KATNIP: variants seen among roughly 807,000 people sequenced by gnomAD.
The protein encoded by KATNIP is katanin-interacting protein.
In KATNIP, 126 loss-of-function variants were observed where a neutral mutation model predicts 174.0. The ratio of observed to expected loss-of-function variants is 0.72; its 90% CI spans 0.63 to 0.84. KATNIP has a LOEUF of 0.84. Ranked by LOEUF, KATNIP falls within the 40% of genes least tolerant of loss-of-function variation. The pLI is 0.00. For synonymous variants in KATNIP, 810 were observed against 835.7 expected, an observed-to-expected ratio of 0.97 and a Z score of 0.53; for missense variants, 1,958 against 2,109.7, an observed-to-expected ratio of 0.93 and a Z score of 1.41.
At chr16:27,603,678 C>CAAGTGATCTTCCCACCTTG (rs1380903167) in intron 2 of KATNIP, among the ~76,000 whole-genome samples, 1 of 151,390 alleles carries the variant, frequency 6.6e-6, no homozygotes, top group Non-Finnish European at 1.5e-5. Context: ...CTTTTGGGCT[C>CAAGTGATCTTCCCACCTTG]AAGTGATCTT....
intron 2 of KATNIP, among the ~76,000 whole-genome samples, chr16:27,586,291 ATAAAT>A (rs975624453): frequency 8.5e-5 from 13 of 152,094 alleles, no homozygotes; most frequent in African/African-American, 2.9e-4. Context: ...AAAAATAAAA[ATAAAT>A]TAAGAATTTC....
intron 18 of KATNIP, 111 bp from the exon 19 acceptor site, chr16:27,761,302 G>A (rs1280353414): frequency 1.7e-6 from 2 of 1,175,026 alleles, no homozygotes; most frequent in Non-Finnish European, 2.3e-6. Context: ...TTGGGTCTGG[G>A]TTGAAGTTGC....
At chr16:27,691,142 G>A (rs902516990) in intron 8 of KATNIP, among the ~76,000 whole-genome samples, 2 of 152,180 alleles carry the variant, frequency 1.3e-5, no homozygotes, top group African/African-American at 4.8e-5. Context: ...GTAGAAAGGG[G>A]TAATTTTGCT....
chr16:27,669,360 C>T (rs897661176), intron 6 of KATNIP: 14 of 957,634 alleles, frequency 1.5e-5, no homozygotes, highest in East Asian at 1.2e-4. Flanking sequence ...CCCTGTCATC[C>T]GATCTCCACC....
intron 14 of KATNIP, among the ~76,000 whole-genome samples, chr16:27,724,164 C>T (rs1212535670): frequency 1.3e-5 from 2 of 152,244 alleles, no homozygotes; most frequent in East Asian, 1.9e-4. Context: ...CAGAGGCTGA[C>T]CCTCAGACCC....
chr16:27,602,660 T>C (rs1012504772), intron 2 of KATNIP, among the ~76,000 whole-genome samples: 14 of 152,158 alleles, frequency 9.2e-5, no homozygotes, highest in Non-Finnish European at 1.5e-5. Context: ...AAATCAGCCT[T>C]CCTAAAAAGC....
chr16:27,651,593 C>T (rs565557251), intron 6 of KATNIP, among the ~76,000 whole-genome samples: 6 of 152,340 alleles, frequency 3.9e-5, no homozygotes, highest in African/African-American at 1.4e-4. Context: ...TCACATCTTC[C>T]GTGAAGTTCA....
intron 8 of KATNIP, among the ~76,000 whole-genome samples, chr16:27,686,750 T>A (rs185193652): frequency 2.6e-5 from 4 of 152,300 alleles, no homozygotes; most frequent in East Asian, 3.9e-4. Context: ...ACATTCTTTT[T>A]TTATTATTAT....
At chr16:27,623,301 A>C (rs1312410858) in intron 3 of KATNIP, among the ~76,000 whole-genome samples, 1 of 152,216 alleles carries the variant, frequency 6.6e-6, no homozygotes, top group Non-Finnish European at 1.5e-5. Context: ...GCCTTGGGCA[A>C]GTTCATTTCT....
chr16:27,636,377 A>G (rs1478561538), intron 5 of KATNIP, among the ~76,000 whole-genome samples: 3 of 152,120 alleles, frequency 2.0e-5, no homozygotes, highest in African/African-American at 7.2e-5. Context: ...GATTTAGGCT[A>G]TGATTTCTCT....
In KATNIP at chr16:27,740,657, G is replaced by A. The variant is rs1295439533; in HGVS notation, c.2360G>A (p.Arg787Lys). Residue 787 changes from arginine (R) to lysine (K), a missense_variant, in exon 15 of 28, where the codon AGG becomes AAG. Physicochemically the swap from Arg to Lys is conservative, Grantham distance 26. Around this residue, in one of 3 missense-constraint regions of KATNIP, gnomAD observed 1,557 missense variants for 1,617.8 expected, o/e 0.96. Transcript: ENST00000261588. The part of the protein sequence containing the change: ...SPEKPLAWKG[R>K]LPSDDVIGEG... ...GAGAAGCCCCTGGCCTGGAAGGGCA[G>A]GCTCCCATCAGACGATGTCATCGGT... is the stretch of plus-strand genomic sequence containing the variant. The A allele has an allele frequency of 6.2e-7, 1 of 1,614,210 alleles. No individual in the cohort carries two copies. The highest frequency in any genetic ancestry group is 1.7e-5 in the Admixed American group (1 of 60,038).
chr16:27,736,550 C>T (rs2080903712), intron 14 of KATNIP, among the ~76,000 whole-genome samples: 2 of 152,198 alleles, frequency 1.3e-5, no homozygotes, highest in Non-Finnish European at 2.9e-5. Context: ...CTGTGGGCAT[C>T]TGCGGCAGAA....
chr16:27,618,071 C>T (rs2076091202), intron 2 of KATNIP, among the ~76,000 whole-genome samples: 1 of 152,108 alleles, frequency 6.6e-6, no homozygotes, highest in African/African-American at 2.4e-5. Flanking sequence ...TTTGGGTTGC[C>T]TCTGGTTATG....
At chr16:27,743,064 G>T (rs2081167088) in intron 15 of KATNIP, among the ~76,000 whole-genome samples, 1 of 152,138 alleles carries the variant, frequency 6.6e-6, no homozygotes, top group Middle Eastern at 3.2e-3. Context: ...CTGTATTCAT[G>T]TGTTCTCGTA....
chr16:27,743,320 G>T (rs181539279), intron 15 of KATNIP, among the ~76,000 whole-genome samples: 2 of 151,786 alleles, frequency 1.3e-5, no homozygotes, highest in Non-Finnish European at 2.9e-5. Flanking sequence ...GATTCAAATC[G>T]GCATCTTCTG....
intron 12 of KATNIP, among the ~76,000 whole-genome samples, chr16:27,707,485 G>A (rs140656534): frequency 1.2e-3 from 185 of 152,336 alleles, no homozygotes; most frequent in African/African-American, 4.3e-3. Context: ...GCTCATGATA[G>A]GGCCTTCTTA....
At chr16:27,697,853 C>T (rs534588441) in intron 8 of KATNIP, among the ~76,000 whole-genome samples, 44 of 152,040 alleles carry the variant, frequency 2.9e-4, no homozygotes, top group African/African-American at 1.0e-3. Flanking sequence ...AAGTTGCAGA[C>T]GTCATTCCCC....
intron 18 of KATNIP, among the ~76,000 whole-genome samples, chr16:27,756,807 C>A (rs2081748904): frequency 6.6e-6 from 1 of 152,198 alleles, no homozygotes; most frequent in Non-Finnish European, 1.5e-5. Flanking sequence ...TCAGTTTCCA[C>A]ACAGCTGCGT....
At position 27,610,734 on chromosome 16, in the gene KATNIP, C is replaced by T. The variant is rs184270133; in HGVS notation, c.64-7691C>T. On this transcript the variant is annotated intron_variant, in intron 2 of 27. Coordinates refer to ENST00000261588, the MANE Select transcript of KATNIP (RefSeq NM_015202.5). ...GTGAAAGGAAAATAAATCTTGATGCCCCCAAATCACTAAACTAAAGGGAAA... is the reference window on the plus strand; with the variant it reads ...GTGAAAGGAAAATAAATCTTGATGCTCCCAAATCACTAAACTAAAGGGAAA... Among the ~76,000 whole-genome samples the T allele has an allele frequency of 2.0e-4, 31 of 151,968 alleles. No individual in the cohort carries two copies. The East Asian group carries it at 4.4e-3, about 22-fold the overall frequency.
Sources: gnomAD v4.1 joint callset for allele counts (sites outside exome capture counted in the v4.1 genomes callset) on GRCh38, gnomAD v4.1.1 for gene constraint, gnomAD v4.1.1 regional missense constraint, MANE v1.5 for transcripts, NCBI Gene and HGNC (gene_info 2026-07-23, HGNC 2026-07-21) for gene names.